THSD4: variants seen among roughly 807,000 people sequenced by gnomAD.
THSD4 encodes thrombospondin type 1 domain containing 4.
In THSD4, 69 loss-of-function variants were observed where a neutral mutation model predicts 119.0. The ratio of observed to expected loss-of-function variants is 0.58; its 90% CI spans 0.48 to 0.71. THSD4 has a LOEUF of 0.71. Ranked by LOEUF, THSD4 falls within the 30% of genes least tolerant of loss-of-function variation. The pLI is 0.00. For synonymous variants in THSD4, 524 were observed against 540.4 expected, an observed-to-expected ratio of 0.97 and a Z score of 0.42; for missense variants, 1,393 against 1,391.1, an observed-to-expected ratio of 1.00 and a Z score of -0.02.
At chr15:71,117,173 T>G (rs935622656) in intron 1 of THSD4, among the ~76,000 whole-genome samples, 1 of 152,170 alleles carries the variant, frequency 6.6e-6, no homozygotes, top group Admixed American at 6.5e-5. Context: ...GTGGAACTCA[T>G]GTGATCTCCT....
intron 7 of THSD4, among the ~76,000 whole-genome samples, chr15:71,570,453 C>G (rs2049328452): frequency 6.6e-6 from 1 of 150,714 alleles, no homozygotes. Context: ...CTCACCCAGG[C>G]TAAAGTACAG....
At chr15:71,365,257 A>T (rs1274649521) in intron 6 of THSD4, among the ~76,000 whole-genome samples, 5 of 151,774 alleles carry the variant, frequency 3.3e-5, no homozygotes, top group Non-Finnish European at 7.4e-5. Context: ...TTGCATGAGG[A>T]TTTCCAGGTG....
chr15:71,327,564 A>C (rs2045362088), intron 6 of THSD4, among the ~76,000 whole-genome samples: 1 of 152,172 alleles, frequency 6.6e-6, no homozygotes, highest in African/African-American at 2.4e-5. Context: ...CTAAGAAGTC[A>C]AGAATTCTGT....
chr15:71,457,209 C>A (rs961513568), intron 7 of THSD4, among the ~76,000 whole-genome samples: 19 of 151,828 alleles, frequency 1.3e-4, no homozygotes, highest in African/African-American at 4.4e-4. Flanking sequence ...TGGTGAAACC[C>A]TATCTCCACA....
intron 7 of THSD4, among the ~76,000 whole-genome samples, chr15:71,605,723 CAGAG>C (rs897703794): frequency 5.9e-5 from 9 of 152,268 alleles, no homozygotes; most frequent in African/African-American, 1.9e-4. Context: ...GTAAAGATGT[CAGAG>C]AGCCAGTGAG....
At chr15:71,506,816 C>T (rs1260247827) in intron 7 of THSD4, among the ~76,000 whole-genome samples, 2 of 152,212 alleles carry the variant, frequency 1.3e-5, no homozygotes, top group African/African-American at 2.4e-5. Context: ...CTCAGCTGCC[C>T]TGTGAGGTGC....
chr15:71,494,049 C>T (rs1431738120), intron 7 of THSD4, among the ~76,000 whole-genome samples: 4 of 152,142 alleles, frequency 2.6e-5, no homozygotes, highest in Non-Finnish European at 5.9e-5. Context: ...GGATGGGACA[C>T]CCAGGTATAA....
intron 1 of THSD4, among the ~76,000 whole-genome samples, chr15:71,102,475 A>C (rs982699920): frequency 5.9e-5 from 9 of 152,098 alleles, no homozygotes; most frequent in African/African-American, 2.2e-4. Context: ...TCTATCTTTA[A>C]GTTAATTTTT....
chr15:71,681,107 G>T (rs2051766685), intron 8 of THSD4, among the ~76,000 whole-genome samples: 1 of 151,754 alleles, frequency 6.6e-6, no homozygotes, highest in Non-Finnish European at 1.5e-5. Flanking sequence ...AGTAGAGACA[G>T]TGTCACCATG....
At chr15:71,727,768 T>TGA (rs1264410020) in intron 8 of THSD4, among the ~76,000 whole-genome samples, 1 of 21,952 alleles carries the variant, frequency 4.6e-5, no homozygotes, top group Non-Finnish European at 1.2e-4. Flanking sequence ...AGACCCTGTC[T>TGA]CAAAAAAAAA....
At chr15:71,771,296 G>C (rs1413669279) in intron 17 of THSD4, 88 bp downstream of exon 17, 3 of 1,527,932 alleles carry the variant, frequency 2.0e-6, no homozygotes, top group Non-Finnish European at 2.7e-6. Context: ...GCCTCTTCTA[G>C]GTCTTTCTGT....
In THSD4 at chr15:71,779,343, T is replaced by C. The variant is rs1449497031; in HGVS notation, c.*1969T>C. The C allele has an allele frequency of 1.3e-5, 2 of 152,280 alleles. No homozygotes were observed. The highest frequency in any genetic ancestry group is 1.3e-4 in the Admixed American group (2 of 15,278). 9.4% of individuals were successfully genotyped at this position (152,280 alleles called of 1,614,324 possible). A position where few individuals can be genotyped will look rare whatever the true frequency, so the allele number is the denominator to read the frequency against. ...TGGTGCTGTTCAGGGCCTGCTCTTT[T>C]CCACTCACCACTTGTTTTGCTGCTT... On this transcript the variant is annotated 3_prime_UTR_variant, in exon 18 of 18. Transcript: ENST00000261862.
At chr15:71,745,260 C>A in intron 12 of THSD4, 25 bp downstream of exon 12, 1 of 1,612,602 alleles carries the variant, frequency 6.2e-7, no homozygotes, top group South Asian at 1.1e-5. Flanking sequence ...CCATTTAGGT[C>A]GCCTATTACC....
intron 8 of THSD4, among the ~76,000 whole-genome samples, chr15:71,725,804 T>G (rs2141121970): frequency 6.6e-6 from 1 of 151,940 alleles, no homozygotes; most frequent in East Asian, 1.9e-4. Flanking sequence ...ATGGACCACT[T>G]TTTTTCCTTT....
intron 8 of THSD4, among the ~76,000 whole-genome samples, chr15:71,661,949 GCA>G (rs2051317831): frequency 6.6e-6 from 1 of 152,038 alleles, no homozygotes; most frequent in African/African-American, 2.4e-5. Flanking sequence ...AAGAAAGCAG[GCA>G]CAGAGAGATT....
At chr15:71,502,684 A>T (rs942659840) in intron 7 of THSD4, among the ~76,000 whole-genome samples, 5 of 152,220 alleles carry the variant, frequency 3.3e-5, no homozygotes, top group African/African-American at 1.2e-4. Context: ...TCAGATCATA[A>T]TATATTCTAT....
intron 6 of THSD4, among the ~76,000 whole-genome samples, chr15:71,300,622 A>G (rs1483302479): frequency 6.6e-6 from 1 of 152,196 alleles, no homozygotes; most frequent in African/African-American, 2.4e-5. Flanking sequence ...TCCCCCTCAA[A>G]ATTATCCATG....
At chr15:71,717,564 A>AC (rs1163667703) in intron 8 of THSD4, among the ~76,000 whole-genome samples, 1 of 151,250 alleles carries the variant, frequency 6.6e-6, no homozygotes, top group East Asian at 1.9e-4. Flanking sequence ...GTTAAAAAAA[A>AC]ATCTTGAGAA....
At chr15:71,479,458 G>T (rs1392592048) in intron 7 of THSD4, among the ~76,000 whole-genome samples, 2 of 152,022 alleles carry the variant, frequency 1.3e-5, no homozygotes, top group Admixed American at 1.3e-4. Flanking sequence ...GGGGTTTTAT[G>T]GAAGGATCAA....
Sources: allele counts gnomAD v4.1 joint callset (sites outside exome capture counted in the v4.1 genomes callset), GRCh38; gene constraint gnomAD v4.1.1; transcripts MANE v1.5; gene names NCBI Gene and HGNC (gene_info 2026-07-23, HGNC 2026-07-21).